Variants in OXR1 observed in about 807,000 individuals in gnomAD.
OXR1 encodes the protein oxidation resistance protein 1.
In OXR1, 41 loss-of-function variants were observed where a neutral mutation model predicts 104.6. The observed-to-expected ratio is 0.39, with a 90% CI of 0.31 to 0.51. OXR1 has a LOEUF of 0.51. Among genes scored for constraint, OXR1 ranks in the 20% least tolerant of loss-of-function variants. OXR1 has a pLI of 0.77. For missense variants in OXR1, 955 were observed against 1,031.9 expected, an observed-to-expected ratio of 0.93 and a Z score of 1.02; for synonymous variants, 348 against 348.4, an observed-to-expected ratio of 1.00 and a Z score of 0.01.
In OXR1 at chr8:106,697,735, ATCT is replaced by A. The variant is rs1241088604; in HGVS notation, c.675+4862_675+4864del. 8.1e-6 allele frequency: 13 copies of A among 1,613,774 alleles called. 1 individual carries two copies. In the Admixed American group the frequency reaches 8.3e-5, roughly 10 times the overall value. On this transcript the variant is annotated intron_variant, in intron 7 of 16. Coordinates refer to ENST00000517566, the MANE Select transcript of OXR1 (RefSeq NM_001198533.2). ...CTCAGCTGCTTGCAGGAACTGAGAG[ATCT>A]TCTCCATCTGCTTGAAGGCCATGGT...
chr8:106,449,503 A>G (rs1307697101), intron 2 of OXR1, among the ~76,000 whole-genome samples: 1 of 152,214 alleles, frequency 6.6e-6, no homozygotes, highest in Middle Eastern at 3.2e-3. Flanking sequence ...CGGCATCATC[A>G]CAACCACTCC....
chr8:106,503,967 G>A (rs974007553), intron 2 of OXR1, among the ~76,000 whole-genome samples: 2 of 152,166 alleles, frequency 1.3e-5, no homozygotes, highest in Admixed American at 6.5e-5. Context: ...TCTCTAGTGA[G>A]GAGAAGACAA....
chr8:106,668,194 A>G (rs530174846), intron 3 of OXR1, among the ~76,000 whole-genome samples: 7 of 152,108 alleles, frequency 4.6e-5, no homozygotes, highest in East Asian at 1.9e-4. Context: ...TTATTGTTCT[A>G]TATTCTCTAG....
intron 2 of OXR1, among the ~76,000 whole-genome samples, chr8:106,385,408 C>G (rs762280087): frequency 6.6e-6 from 1 of 152,174 alleles, no homozygotes; most frequent in Non-Finnish European, 1.5e-5. Context: ...TGTAAAGATG[C>G]ACCCAGATCT....
chr8:106,487,040 T>G (rs78968091), intron 2 of OXR1, among the ~76,000 whole-genome samples: 3 of 149,586 alleles, frequency 2.0e-5, no homozygotes, highest in African/African-American at 7.4e-5. Context: ...TTTTTTTTTT[T>G]TGAGACAGTG....
intron 3 of OXR1, among the ~76,000 whole-genome samples, chr8:106,604,307 G>C (rs1016377898): frequency 1.9e-4 from 29 of 152,116 alleles, no homozygotes; most frequent in African/African-American, 6.8e-4. Context: ...AAGCCACGAT[G>C]CTTGAAGTCA....
intron 3 of OXR1, among the ~76,000 whole-genome samples, chr8:106,624,012 A>G (rs1821943323): frequency 1.3e-5 from 2 of 152,170 alleles, no homozygotes; most frequent in South Asian, 2.1e-4. Context: ...GCACACATAC[A>G]CACACACTAT....
At chr8:106,307,782 G>A (rs940701397) in intron 1 of OXR1, among the ~76,000 whole-genome samples, 3 of 152,056 alleles carry the variant, frequency 2.0e-5, no homozygotes, top group Admixed American at 6.6e-5. Context: ...TGTAAGTGTC[G>A]AATTCTAAAT....
intron 1 of OXR1, among the ~76,000 whole-genome samples, chr8:106,292,543 A>T (rs1374639362): frequency 6.6e-6 from 1 of 152,222 alleles, no homozygotes; most frequent in Non-Finnish European, 1.5e-5. Flanking sequence ...TGGGTTTGGT[A>T]CTATCCTCGG....
At chr8:106,292,906 C>T (rs184614147) in intron 1 of OXR1, among the ~76,000 whole-genome samples, 282 of 152,336 alleles carry the variant, frequency 1.9e-3, no homozygotes, top group South Asian at 1.9e-3. Context: ...CAGGAAGCTT[C>T]GCCCTGGTTG....
At chr8:106,598,977 T>C (rs1248174777) in intron 3 of OXR1, among the ~76,000 whole-genome samples, 1 of 152,244 alleles carries the variant, frequency 6.6e-6, no homozygotes, top group Non-Finnish European at 1.5e-5. Context: ...CCTTCAGGTT[T>C]CATTTGATAA....
At chr8:106,308,753 T>C (rs1474425353) in intron 1 of OXR1, among the ~76,000 whole-genome samples, 9 of 83,046 alleles carry the variant, frequency 1.1e-4, no homozygotes, top group African/African-American at 4.3e-4. Flanking sequence ...CATAAACTAC[T>C]GTGTAGTACT....
intron 9 of OXR1, among the ~76,000 whole-genome samples, chr8:106,708,394 G>C (rs1460753013): frequency 6.6e-6 from 1 of 152,092 alleles, no homozygotes; most frequent in Non-Finnish European, 1.5e-5. Context: ...GCAAGATGCT[G>C]TCTCAAACAA....
chr8:106,724,392 A>T (rs1305319514), intron 11 of OXR1, among the ~76,000 whole-genome samples: 1 of 152,146 alleles, frequency 6.6e-6, no homozygotes, highest in African/African-American at 2.4e-5. Context: ...TACTACAAAA[A>T]CAGAAAGGGC....
chr8:106,352,746 A>G (rs1483477381), intron 1 of OXR1, among the ~76,000 whole-genome samples: 2 of 152,188 alleles, frequency 1.3e-5, no homozygotes, highest in Non-Finnish European at 2.9e-5. Flanking sequence ...GTAAAACTGT[A>G]TATGTTAGGC....
intron 2 of OXR1, among the ~76,000 whole-genome samples, chr8:106,465,925 C>CTT (rs1821149450): frequency 6.6e-6 from 1 of 151,980 alleles, no homozygotes; most frequent in Non-Finnish European, 1.5e-5. Flanking sequence ...GATTCAACCA[C>CTT]TTACTGTAAG....
chr8:106,723,445 C>T (rs1170914714), intron 11 of OXR1, among the ~76,000 whole-genome samples: 1 of 151,370 alleles, frequency 6.6e-6, no homozygotes, highest in Non-Finnish European at 1.5e-5. Flanking sequence ...TTGCAGTGAG[C>T]CGAGATCGTG....
chr8:106,328,558 T>C (rs776356173), intron 1 of OXR1, among the ~76,000 whole-genome samples: 1 of 152,196 alleles, frequency 6.6e-6, no homozygotes, highest in Non-Finnish European at 1.5e-5. Context: ...GAAGTGTCTG[T>C]AAGGCTACCG....
intron 3 of OXR1, chr8:106,581,382 A>G: frequency 2.2e-6 from 1 of 455,414 alleles, no homozygotes; most frequent in Non-Finnish European, 3.8e-6. Flanking sequence ...AGTATTATGC[A>G]AATAATAGTA....
Sources: gnomAD v4.1 joint callset for allele counts (sites outside exome capture counted in the v4.1 genomes callset) on GRCh38, gnomAD v4.1.1 for gene constraint, MANE v1.5 for transcripts, NCBI Gene and HGNC (gene_info 2026-07-23, HGNC 2026-07-21) for gene names.